PHACTR4: variants seen among roughly 807,000 people sequenced by gnomAD.
PHACTR4 encodes phosphatase and actin regulator 4.
PHACTR4 carries 51 observed loss-of-function variants against 72.7 expected under a neutral mutation model. The observed-to-expected ratio is 0.70, with a 90% confidence interval of 0.56 to 0.89. PHACTR4 has a LOEUF of 0.89. Among genes scored for constraint, PHACTR4 ranks in the 40% least tolerant of loss-of-function variants. PHACTR4 has a pLI of 0.00. For missense variants in PHACTR4, 731 were observed against 861.8 expected (o/e 0.85, Z 1.90); for synonymous variants, 255 against 302.5 (o/e 0.84, Z 1.63).
intron 2 of PHACTR4, among the ~76,000 whole-genome samples, chr1:28,445,269 T>C (rs1354712937): frequency 2.0e-5 from 3 of 152,084 alleles, no homozygotes; most frequent in African/African-American, 7.2e-5. Flanking sequence ...AATTATTCTT[T>C]TTTAAGACAG....
intron 1 of PHACTR4, among the ~76,000 whole-genome samples, chr1:28,386,632 G>A (rs1165572729): frequency 6.6e-6 from 1 of 152,044 alleles, no homozygotes; most frequent in Non-Finnish European, 1.5e-5. Flanking sequence ...GTGGCGGTGT[G>A]AGCCACCGTG....
chr1:28,401,464 G>T (rs927573412), intron 1 of PHACTR4, among the ~76,000 whole-genome samples: 1 of 151,854 alleles, frequency 6.6e-6, no homozygotes, highest in Non-Finnish European at 1.5e-5. Context: ...CCGCCACCAT[G>T]CCCGGCTAAT....
At chr1:28,371,019 G>A (rs1282765187) in intron 1 of PHACTR4, among the ~76,000 whole-genome samples, 1 of 152,222 alleles carries the variant, frequency 6.6e-6, no homozygotes, top group African/African-American at 2.4e-5. Flanking sequence ...TGCGTGGATT[G>A]TGGATTCGAT....
At chr1:28,487,677 G>A (rs1660758947) in intron 9 of PHACTR4, among the ~76,000 whole-genome samples, 1 of 144,188 alleles carries the variant, frequency 6.9e-6, no homozygotes, top group African/African-American at 2.6e-5. Context: ...TTAAAAGTAA[G>A]AAATGAATAA....
intron 7 of PHACTR4, among the ~76,000 whole-genome samples, chr1:28,474,801 A>C (rs1232541433): frequency 1.3e-5 from 2 of 151,998 alleles, no homozygotes; most frequent in African/African-American, 2.4e-5. Context: ...CATCGGTCTC[A>C]CAAAGTGCTG....
intron 1 of PHACTR4, among the ~76,000 whole-genome samples, chr1:28,375,434 C>T (rs1245804605): frequency 2.6e-5 from 4 of 151,534 alleles, no homozygotes; most frequent in African/African-American, 9.7e-5. Context: ...CCCAGTGCTT[C>T]GGGAGGCTAA....
intron 2 of PHACTR4, among the ~76,000 whole-genome samples, chr1:28,410,795 C>T (rs962792944): frequency 6.6e-6 from 1 of 152,274 alleles, no homozygotes; most frequent in Non-Finnish European, 1.5e-5. Flanking sequence ...CAACCTCCAC[C>T]TCCCGGGTTC....
chr1:28,478,062 C>T (rs1177726858), intron 8 of PHACTR4, among the ~76,000 whole-genome samples: 1 of 152,148 alleles, frequency 6.6e-6, no homozygotes, highest in East Asian at 1.9e-4. Context: ...CCCCTCTACC[C>T]TTCCCTGCCT....
chr1:28,441,055 A>G (rs532437557), intron 2 of PHACTR4, among the ~76,000 whole-genome samples: 2 of 152,308 alleles, frequency 1.3e-5, no homozygotes, highest in South Asian at 4.1e-4. Flanking sequence ...TTGATTTATT[A>G]TTACTTTCAG....
Position 28,466,673 on chromosome 1 carries a change from C to A in PHACTR4, c.728C>A (p.Thr243Asn), listed in dbSNP as rs1446285853. 6.2e-7 allele frequency: 1 copy of A among 1,613,940 alleles called. No homozygotes were observed. Among genetic ancestry groups the A allele is most frequent in the East Asian group, 2.2e-5 (1 of 44,906 alleles). The change falls in exon 6 of 14, where the codon ACT (threonine) becomes AAT (asparagine). Residue 243 changes from threonine (T) to asparagine (N), a missense_variant. By Grantham distance (65) the Thr-to-Asn change is moderately conservative. Coordinates refer to ENST00000373839, the MANE Select transcript of PHACTR4 (RefSeq NM_001048183.3). ...TLPAAPASTN[T>N]TATPSLTHMV... ...CCTGCTGCTCCTGCCAGCACTAACA[C>A]TACTGCTACCCCAAGCCTCACTCAT...
chr1:28,489,269 A>G, intron 10 of PHACTR4, 44 bp downstream of exon 10: 9 of 1,534,240 alleles, frequency 5.9e-6, no homozygotes, highest in Middle Eastern at 1.7e-4. Flanking sequence ...TTTTCTTTGT[A>G]TGTTTCTGAC....
intron 2 of PHACTR4, among the ~76,000 whole-genome samples, chr1:28,447,629 A>G (rs1389416982): frequency 6.6e-6 from 1 of 152,054 alleles, no homozygotes; most frequent in East Asian, 1.9e-4. Flanking sequence ...AATAGCTTAT[A>G]TTCTGGCCCT....
intron 4 of PHACTR4, among the ~76,000 whole-genome samples, chr1:28,462,090 C>T (rs1203862059): frequency 2.0e-5 from 3 of 151,878 alleles, no homozygotes; most frequent in Non-Finnish European, 2.9e-5. Flanking sequence ...TCACTGCAAC[C>T]TCCATCTGCT....
In PHACTR4 at chr1:28,459,184, G is replaced by T. The variant is rs750385723; in HGVS notation, c.116G>T (p.Gly39Val). The change falls in exon 3 of 14, where the codon GGC (glycine) becomes GTC (valine). Residue 39 changes from glycine to valine, a missense_variant. Coordinates refer to ENST00000373839, the MANE Select transcript of PHACTR4 (RefSeq NM_001048183.3). ...ACCAAAAGGAAGAGCAAGTTCTCAG[G>T]CTTTGGCAAGATCTTCAAGCCCTGG... ...PPTKRKSKFSGFGKIFKPWKW... is the reference protein window; with the variant it reads ...PPTKRKSKFSVFGKIFKPWKW... 5 of 1,613,884 alleles carry T rather than the reference G, an allele frequency of 3.1e-6. No individual in the cohort carries two copies. The Admixed American group carries it at 8.3e-5, about 27-fold the overall frequency.
chr1:28,493,111 A>C lies in PHACTR4; in HGVS notation c.2093+20A>C. The C allele has an allele frequency of 6.3e-7, 1 of 1,595,882 alleles. No homozygotes were observed. The highest frequency in any genetic ancestry group is 8.6e-7 in the Non-Finnish European group (1 of 1,163,520). On this transcript the variant is annotated intron_variant, in intron 13 of 13. Coordinates refer to ENST00000373839, the MANE Select transcript of PHACTR4 (RefSeq NM_001048183.3). The stretch of plus-strand genomic sequence containing the variant: ...TACACGGTAAGACCCAAAAGACCCA[A>C]TCATATATGTGCTAGGTAGAGTTTT...
intron 2 of PHACTR4, among the ~76,000 whole-genome samples, chr1:28,412,099 T>G (rs1207527650): frequency 6.6e-6 from 1 of 152,158 alleles, no homozygotes; most frequent in Non-Finnish European, 1.5e-5. Context: ...ATTGGTCTCG[T>G]TGAAAAAAAT....
chr1:28,393,454 T>G (rs898932866), intron 1 of PHACTR4, among the ~76,000 whole-genome samples: 3 of 152,186 alleles, frequency 2.0e-5, no homozygotes, highest in Admixed American at 1.3e-4. Context: ...AAGGTTAAAA[T>G]GGAGCTGAAA....
At chr1:28,478,269 T>C (rs1336030504) in intron 8 of PHACTR4, among the ~76,000 whole-genome samples, 1 of 152,242 alleles carries the variant, frequency 6.6e-6, no homozygotes, top group East Asian at 1.9e-4. Context: ...CAATTGTGTA[T>C]ATACACCACG....
intron 1 of PHACTR4, among the ~76,000 whole-genome samples, chr1:28,386,632 G>C (rs1165572729): frequency 6.6e-6 from 1 of 152,044 alleles, no homozygotes; most frequent in African/African-American, 2.4e-5. Flanking sequence ...GTGGCGGTGT[G>C]AGCCACCGTG....
Sources: allele counts gnomAD v4.1 joint callset (sites outside exome capture counted in the v4.1 genomes callset), GRCh38; gene constraint gnomAD v4.1.1; transcripts MANE v1.5; gene names NCBI Gene and HGNC (gene_info 2026-07-23, HGNC 2026-07-21).